ROBO1: variants seen among roughly 807,000 people sequenced by gnomAD.
The protein encoded by ROBO1 is roundabout guidance receptor 1, also known as roundabout homolog 1.
ROBO1 carries 149 observed loss-of-function variants against 195.9 expected under a neutral mutation model. The ratio of observed to expected loss-of-function variants is 0.76; its 90% confidence interval spans 0.67 to 0.87. ROBO1 has a LOEUF of 0.87. Among genes scored for constraint, ROBO1 ranks in the 40% least tolerant of loss-of-function variants. ROBO1 has a pLI of 0.00. For synonymous variants in ROBO1, 816 were observed against 733.2 expected, an observed-to-expected ratio of 1.11 and a Z score of -1.82; for missense variants, 1,933 against 2,068.3, an observed-to-expected ratio of 0.93 and a Z score of 1.27.
At chr3:78,749,779 G>A (rs1237044402) in intron 4 of ROBO1, among the ~76,000 whole-genome samples, 1 of 152,146 alleles carries the variant, frequency 6.6e-6, no homozygotes, top group Non-Finnish European at 1.5e-5. Context: ...AGTATTCCCA[G>A]ATAAATCTTT....
At chr3:78,992,349 C>A (rs183849358) in intron 3 of ROBO1, among the ~76,000 whole-genome samples, 1 of 152,154 alleles carries the variant, frequency 6.6e-6, no homozygotes, top group African/African-American at 2.4e-5. Context: ...GAAGGTGGCT[C>A]AATAAGACTG....
chr3:79,631,159 T>C, intron 1 of ROBO1, among the ~76,000 whole-genome samples: 1 of 142,748 alleles, frequency 7.0e-6, no homozygotes, highest in African/African-American at 2.9e-5. Flanking sequence ...CTAAAATTCA[T>C]ATGGAACAAA....
At chr3:79,150,261 T>A (rs984818404) in intron 2 of ROBO1, among the ~76,000 whole-genome samples, 1 of 151,636 alleles carries the variant, frequency 6.6e-6, no homozygotes, top group African/African-American at 2.4e-5. Context: ...TTTTTTTTTT[T>A]CAGTTTTTAC....
At chr3:78,617,260 T>TA (rs1300727882) in intron 27 of ROBO1, among the ~76,000 whole-genome samples, 1 of 152,152 alleles carries the variant, frequency 6.6e-6, no homozygotes, top group East Asian at 1.9e-4. Context: ...CACAAAAAAT[T>TA]AGAGTATACA....
chr3:79,259,656 T>A (rs1576888691), intron 2 of ROBO1, among the ~76,000 whole-genome samples: 1 of 152,042 alleles, frequency 6.6e-6, no homozygotes, highest in Admixed American at 6.6e-5. Context: ...GAGAAAATAT[T>A]TGCAAACTAC....
rs375379518 is a variant in ROBO1 at position 79,441,475 on chromosome 3, T to C, written c.88+148349A>G. Among the ~76,000 whole-genome samples, 210 of 152,282 alleles carry C rather than the reference T, an allele frequency of 1.4e-3. 1 individual carries two copies. Among genetic ancestry groups the C allele is most frequent in the African/African-American group, 4.8e-3 (198 of 41,580 alleles). ...CAGTTTTTAAGTAAATAACTAAGTA[T>C]TGTTTTTGCAATGTCTTTTGGTGAT... On this transcript the variant is annotated intron_variant, in intron 2 of 30. Coordinates refer to ENST00000464233, the MANE Select transcript of ROBO1 (RefSeq NM_002941.4).
chr3:78,673,562 TTATATATA>T lies in ROBO1; in HGVS notation c.1343-3269_1343-3262del, dbSNP rs1166250669. On this transcript the variant is annotated intron_variant, in intron 10 of 30. Coordinates refer to ENST00000464233, the MANE Select transcript of ROBO1 (RefSeq NM_002941.4). ...ATATTACAGCTAGGTTACATATATT[TTATATATA>T]TATATATATATATATATATATATAT... Among the ~76,000 whole-genome samples the T allele has an allele frequency of 4.6e-3, 290 of 63,358 alleles. 2 individuals carry two copies. The highest frequency in any genetic ancestry group is 8.9e-3 in the African/African-American group (172 of 19,404). The allele number at this position is 63,358 out of a possible 152,430, so 41.6% of individuals were successfully genotyped here.
At chr3:79,335,326 T>TA (rs1396887021) in intron 2 of ROBO1, among the ~76,000 whole-genome samples, 3 of 152,064 alleles carry the variant, frequency 2.0e-5, no homozygotes, top group African/African-American at 7.2e-5. Context: ...TATTGATAAA[T>TA]AAAGTATCTA....
At chr3:78,675,463 C>G (rs369883670) in intron 10 of ROBO1, among the ~76,000 whole-genome samples, 23 of 152,164 alleles carry the variant, frequency 1.5e-4, no homozygotes, top group African/African-American at 4.8e-4. Flanking sequence ...CACTCCCACC[C>G]TAATACTGTG....
intron 2 of ROBO1, among the ~76,000 whole-genome samples, chr3:79,364,841 G>T (rs916128747): frequency 6.6e-6 from 1 of 152,106 alleles, no homozygotes; most frequent in Non-Finnish European, 1.5e-5. Flanking sequence ...CTGCTAAACG[G>T]GTATTTCTTT....
chr3:79,741,397 T>G (rs193090449), intron 1 of ROBO1, among the ~76,000 whole-genome samples: 26 of 152,322 alleles, frequency 1.7e-4, no homozygotes, highest in African/African-American at 5.8e-4. Context: ...TTTGACTTTT[T>G]TTTTTAGCTT....
At chr3:79,341,748 A>G (rs1479919153) in intron 2 of ROBO1, among the ~76,000 whole-genome samples, 1 of 152,022 alleles carries the variant, frequency 6.6e-6, no homozygotes, top group Non-Finnish European at 1.5e-5. Context: ...TTTTCCATAT[A>G]TTTTTCCATT....
At chr3:79,501,369 C>G (rs1208457604) in intron 2 of ROBO1, among the ~76,000 whole-genome samples, 2 of 152,152 alleles carry the variant, frequency 1.3e-5, no homozygotes, top group African/African-American at 4.8e-5. Flanking sequence ...TGCTTTTCAT[C>G]TTTCAGAACA....
In ROBO1 at chr3:79,488,226, T is replaced by G. The variant is rs558392875; in HGVS notation, c.88+101598A>C. 1.4e-4 allele frequency among the ~76,000 whole-genome samples: 21 copies of G among 152,320 alleles called. No homozygotes were observed. In the South Asian group the frequency reaches 4.3e-3, roughly 32 times the overall value. On this transcript the variant is annotated intron_variant, in intron 2 of 30. Transcript: ENST00000464233. ...TTTGAGAGGTAAAATTGTATAACTT[T>G]AAATATAATTTGCATGAAATAAATG...
intron 1 of ROBO1, among the ~76,000 whole-genome samples, chr3:79,694,543 A>G (rs1162269573): frequency 1.3e-5 from 2 of 151,792 alleles, no homozygotes; most frequent in South Asian, 2.1e-4. Flanking sequence ...AATGGCTTGC[A>G]TTTTCACCAT....
intron 1 of ROBO1, among the ~76,000 whole-genome samples, chr3:79,689,915 G>C (rs1947249894): frequency 6.6e-6 from 1 of 151,942 alleles, no homozygotes; most frequent in African/African-American, 2.4e-5. Flanking sequence ...ATAGGACAGT[G>C]TATAAGTTAA....
At position 79,148,471 on chromosome 3, in the gene ROBO1, G is replaced by A. The variant is rs112942413; in HGVS notation, c.89-22932C>T. On this transcript the variant is annotated intron_variant, in intron 2 of 30. Coordinates refer to ENST00000464233, the MANE Select transcript of ROBO1 (RefSeq NM_002941.4). Reference sequence around the variant, plus strand: ...ATTTTAAATGAAAAAAGTACTAGCAGTAAGATATAAGCCTGGGAACAGGAG... The same window carrying A: ...ATTTTAAATGAAAAAAGTACTAGCAATAAGATATAAGCCTGGGAACAGGAG... Among the ~76,000 whole-genome samples the A allele has an allele frequency of 5.9e-5, 9 of 151,838 alleles. 1 individual carries two copies. The highest frequency in any genetic ancestry group is 2.2e-4 in the African/African-American group (9 of 41,480).
intron 3 of ROBO1, among the ~76,000 whole-genome samples, chr3:78,963,759 C>T (rs1334653505): frequency 6.6e-6 from 1 of 151,976 alleles, no homozygotes. Context: ...CCTCGTGATC[C>T]ACCCGCCTCG....
intron 2 of ROBO1, among the ~76,000 whole-genome samples, chr3:79,339,188 T>A (rs1198023604): frequency 2.0e-5 from 3 of 152,204 alleles, no homozygotes; most frequent in Admixed American, 2.0e-4. Context: ...CTCTTCTGCT[T>A]CCATCCTTGC....
Sources: allele counts gnomAD v4.1 joint callset (sites outside exome capture counted in the v4.1 genomes callset), GRCh38; gene constraint gnomAD v4.1.1; transcripts MANE v1.5; gene names NCBI Gene and HGNC (gene_info 2026-07-23, HGNC 2026-07-21).